The following HDAC9 variants were observed in gnomAD, a reference collection of about 807,000 sequenced individuals.
The protein encoded by HDAC9 is MEF-2 interacting transcription repressor (MITR) protein.
In HDAC9, 41 loss-of-function variants were observed where a neutral mutation model predicts 139.4. That is an observed-to-expected ratio of 0.29 (90% CI 0.23 to 0.38). The LOEUF (loss-of-function observed/expected upper bound fraction) is 0.38. Ranked by LOEUF, HDAC9 falls within the 10% of genes least tolerant of loss-of-function variation. The pLI is 1.00. For synonymous variants in HDAC9, 517 were observed against 476.2 expected (o/e 1.09, Z -1.12); for missense variants, 1,147 against 1,297.0 (o/e 0.88, Z 1.78).
chr7:18,995,519 C>G (rs909194824), intron 25 of HDAC9, among the ~76,000 whole-genome samples: 1 of 152,176 alleles, frequency 6.6e-6, no homozygotes, highest in African/African-American at 2.4e-5. Flanking sequence ...GGGTCTGTAG[C>G]AACAATTTGC....
At chr7:18,618,872 G>T (rs10215410) in intron 6 of HDAC9, among the ~76,000 whole-genome samples, 3,770 of 151,012 alleles carry the variant, frequency 0.025, 160 homozygotes, top group African/African-American at 0.087. Context: ...TATGAATTCA[G>T]ATTTCCCCCA....
chr7:18,762,025 A>G, intron 14 of HDAC9, 132 bp from the exon 15 acceptor site: 1 of 961,922 alleles, frequency 1.0e-6, no homozygotes, highest in Admixed American at 2.1e-5. Context: ...GTACTTTACT[A>G]AGCAAATCAG....
At chr7:18,140,994 T>G (rs1785861337) in intron 1 of HDAC9, among the ~76,000 whole-genome samples, 1 of 152,014 alleles carries the variant, frequency 6.6e-6, no homozygotes, top group Non-Finnish European at 1.5e-5. Context: ...ATGAGCAGCA[T>G]TTTTATTTAG....
chr7:18,517,376 A>G (rs1803563929), intron 2 of HDAC9, among the ~76,000 whole-genome samples: 1 of 152,206 alleles, frequency 6.6e-6, no homozygotes, highest in African/African-American at 2.4e-5. Flanking sequence ...TTTCATGTCA[A>G]GTATGGTCCC....
At chr7:18,771,437 A>G (rs1790281534) in intron 16 of HDAC9, among the ~76,000 whole-genome samples, 1 of 152,078 alleles carries the variant, frequency 6.6e-6, no homozygotes, top group Non-Finnish European at 1.5e-5. Flanking sequence ...AACTATACTC[A>G]CTACGCGAGA....
intron 2 of HDAC9, among the ~76,000 whole-genome samples, chr7:18,280,270 A>C (rs960872904): frequency 3.9e-5 from 6 of 152,128 alleles, no homozygotes; most frequent in East Asian, 1.9e-4. Context: ...TGGATAACAT[A>C]GTGTGACTCC....
At chr7:18,782,359 G>A (rs988163145) in intron 16 of HDAC9, among the ~76,000 whole-genome samples, 35 of 152,096 alleles carry the variant, frequency 2.3e-4, no homozygotes, top group Admixed American at 9.2e-4. Context: ...TTATACAAAG[G>A]AGACTGTGCC....
intron 1 of HDAC9, chr7:18,152,000 G>A (rs1786815779): frequency 6.6e-6 from 1 of 152,108 alleles, no homozygotes; most frequent in African/African-American, 2.4e-5. Flanking sequence ...ATAAATTTCA[G>A]TCTCCTAAAG....
intron 17 of HDAC9, among the ~76,000 whole-genome samples, chr7:18,820,573 G>A (rs1794888993): frequency 2.0e-5 from 3 of 152,090 alleles, no homozygotes. Flanking sequence ...CAAAATCGGG[G>A]GCCCTTGAGA....
chr7:18,989,951 T>G (rs1033609912), intron 25 of HDAC9, among the ~76,000 whole-genome samples: 104 of 151,844 alleles, frequency 6.8e-4, no homozygotes, highest in African/African-American at 2.4e-3. Context: ...AGTTATACAT[T>G]CTTCTAAATT....
intron 12 of HDAC9, among the ~76,000 whole-genome samples, chr7:18,682,848 G>A (rs1253654305): frequency 6.6e-6 from 1 of 151,948 alleles, no homozygotes; most frequent in Non-Finnish European, 1.5e-5. Flanking sequence ...GGGCATGGTG[G>A]TGGGCGCCTG....
intron 3 of HDAC9, among the ~76,000 whole-genome samples, chr7:18,588,134 G>C (rs1399716546): frequency 6.6e-6 from 1 of 152,138 alleles, no homozygotes; most frequent in Non-Finnish European, 1.5e-5. Context: ...GGAGTAATAA[G>C]GCTATTATGG....
intron 2 of HDAC9, among the ~76,000 whole-genome samples, chr7:18,274,773 A>G (rs919456586): frequency 3.3e-5 from 5 of 152,254 alleles, no homozygotes; most frequent in African/African-American, 1.2e-4. Flanking sequence ...AAATTATTAT[A>G]CTTTATCATT....
intron 12 of HDAC9, among the ~76,000 whole-genome samples, 186 bp from the exon 13 acceptor site, chr7:18,727,394 C>A (rs927784755): frequency 1.3e-5 from 2 of 152,230 alleles, no homozygotes; most frequent in Non-Finnish European, 2.9e-5. Flanking sequence ...GTGAAAACAT[C>A]TGTTGAATGG....
At chr7:18,405,661 A>G (rs1358899650) in intron 1 of HDAC9, among the ~76,000 whole-genome samples, 1 of 152,108 alleles carries the variant, frequency 6.6e-6, no homozygotes, top group African/African-American at 2.4e-5. Context: ...CAGGATTTTC[A>G]AGAGAGAAAA....
At chr7:18,249,961 T>C (rs181287407) in intron 2 of HDAC9, among the ~76,000 whole-genome samples, 1 of 152,312 alleles carries the variant, frequency 6.6e-6, no homozygotes, top group Admixed American at 6.5e-5. Context: ...AATAAATGTC[T>C]TTTCAGCTGT....
At chr7:18,197,967 G>C (rs1317596405) in intron 2 of HDAC9, among the ~76,000 whole-genome samples, 1 of 152,118 alleles carries the variant, frequency 6.6e-6, no homozygotes. Flanking sequence ...GAGGAGATTG[G>C]ATTAAGAATT....
At chr7:18,897,395 C>G (rs1230000447) in intron 22 of HDAC9, among the ~76,000 whole-genome samples, 2 of 151,858 alleles carry the variant, frequency 1.3e-5, no homozygotes, top group African/African-American at 4.8e-5. Flanking sequence ...GACTTTATAA[C>G]TTTTTCCTTT....
rs572115031 is a variant in HDAC9 at position 18,464,585 on chromosome 7, G to A, written c.-41-31677G>A. Among the ~76,000 whole-genome samples, 194 of 152,090 alleles carry A rather than the reference G, an allele frequency of 1.3e-3. 2 individuals carry two copies. The Middle Eastern group carries it at 0.014, about 11-fold the overall frequency. On this transcript the variant is annotated intron_variant, in intron 1 of 3. Coordinates refer to the HDAC9 transcript ENST00000413509. ...CTATGTTAAAATTCTCAGAAACAATGTGAGGCCTAGTATGTTGTTTGAAAT... is the reference window on the plus strand; with the variant it reads ...CTATGTTAAAATTCTCAGAAACAATATGAGGCCTAGTATGTTGTTTGAAAT...
Sources: gnomAD v4.1 joint callset for allele counts (sites outside exome capture counted in the v4.1 genomes callset) on GRCh38, gnomAD v4.1.1 for gene constraint, MANE v1.5 for transcripts, NCBI Gene and HGNC (gene_info 2026-07-23, HGNC 2026-07-21) for gene names.